The following ITGB5 variants were observed in gnomAD, a reference collection of about 807,000 sequenced individuals.
ITGB5 encodes integrin subunit beta 5.
A neutral mutation model predicts 84.8 loss-of-function variants in ITGB5; 38 were observed. The ratio of observed to expected loss-of-function variants is 0.45; its 90% confidence interval spans 0.35 to 0.59. ITGB5 has a LOEUF of 0.59. ITGB5 is among the 20% of genes least tolerant of loss of function. The pLI, the probability that ITGB5 is intolerant of heterozygous loss-of-function variation, is 0.01. For synonymous variants in ITGB5, 393 were observed against 414.4 expected (o/e 0.95, Z 0.63); for missense variants, 905 against 1,034.5 (o/e 0.87, Z 1.72).
chr3:124,788,684 C>T (rs1005491793), intron 10 of ITGB5, among the ~76,000 whole-genome samples: 10 of 152,228 alleles, frequency 6.6e-5, no homozygotes, highest in African/African-American at 2.4e-4. Context: ...TTCTGAAGCT[C>T]TGCCTGGGGG....
At chr3:124,775,579 AT>A (rs779379681) in intron 10 of ITGB5, among the ~76,000 whole-genome samples, 4 of 152,160 alleles carry the variant, frequency 2.6e-5, no homozygotes, top group East Asian at 1.9e-4. Flanking sequence ...ACTTTGTATT[AT>A]TTTTTTCCCT....
intron 1 of ITGB5, among the ~76,000 whole-genome samples, chr3:124,875,114 G>T (rs1344353768): frequency 6.6e-6 from 1 of 152,112 alleles, no homozygotes; most frequent in Non-Finnish European, 1.5e-5. Flanking sequence ...CATCTGATAA[G>T]TGGTTAACAT....
rs750219799 is a variant in ITGB5, at chr3:124,821,545, G to A, written c.781-71C>T. 6 of 1,529,632 alleles carry A rather than the reference G, an allele frequency of 3.9e-6. No homozygotes were observed. In the African/African-American group the frequency reaches 6.8e-5, roughly 17 times the overall value. The allele number at this position is 1,529,632 out of a possible 1,614,324, so 94.8% of individuals were successfully genotyped here. A position where few individuals can be genotyped will look rare whatever the true frequency, so the allele number is the denominator to read the frequency against. On this transcript the variant is annotated intron_variant, in intron 5 of 14. Transcript: ENST00000296181. ...CCTGCCCTGGTCATGCAGGGCACTG[G>A]CCCCTCTCCAGGAGTCACGGCCTGA...
chr3:124,774,963 G>A (rs967469377), intron 10 of ITGB5, among the ~76,000 whole-genome samples: 11 of 152,386 alleles, frequency 7.2e-5, no homozygotes, highest in Middle Eastern at 3.4e-3. Context: ...CACACAGCTA[G>A]TGGCAGCAGA....
chr3:124,849,680 G>A (rs1010044752), intron 3 of ITGB5, among the ~76,000 whole-genome samples: 1 of 152,116 alleles, frequency 6.6e-6, no homozygotes, highest in Non-Finnish European at 1.5e-5. Context: ...GAGAAAAGGG[G>A]AATTAATTCA....
intron 5 of ITGB5, among the ~76,000 whole-genome samples, chr3:124,838,702 C>T (rs1159480075): frequency 1.3e-5 from 2 of 151,978 alleles, no homozygotes; most frequent in Non-Finnish European, 2.9e-5. Flanking sequence ...CCGGGGTTCA[C>T]ACCATTCTCC....
At chr3:124,829,597 T>C (rs374570134) in intron 5 of ITGB5, among the ~76,000 whole-genome samples, 1 of 152,164 alleles carries the variant, frequency 6.6e-6, no homozygotes, top group African/African-American at 2.4e-5. Flanking sequence ...GGCCCTAGGA[T>C]GCCTTTCAGC....
chr3:124,856,665 G>C (rs938012266), intron 3 of ITGB5, among the ~76,000 whole-genome samples: 7 of 152,174 alleles, frequency 4.6e-5, no homozygotes, highest in African/African-American at 1.7e-4. Context: ...TATTTTTCTA[G>C]AATTTCATGT....
At chr3:124,893,453 C>A (rs1294489089) in intron 1 of ITGB5, among the ~76,000 whole-genome samples, 1 of 151,980 alleles carries the variant, frequency 6.6e-6, no homozygotes, top group Non-Finnish European at 1.5e-5. Context: ...TTGAAAAATA[C>A]CAAATTATAT....
intron 8 of ITGB5, among the ~76,000 whole-genome samples, chr3:124,811,870 C>T (rs2064508549): frequency 6.6e-6 from 1 of 152,160 alleles, no homozygotes; most frequent in Non-Finnish European, 1.5e-5. Flanking sequence ...CTGCACAGGA[C>T]CGGGTGCAGG....
intron 2 of ITGB5, among the ~76,000 whole-genome samples, chr3:124,867,012 ATTC>A (rs1300547117): frequency 6.6e-6 from 1 of 152,102 alleles, no homozygotes; most frequent in African/African-American, 2.4e-5. Flanking sequence ...TTGAATATTG[ATTC>A]TTTTCATTTC....
intron 7 of ITGB5, among the ~76,000 whole-genome samples, chr3:124,819,486 C>CA (rs1280236837): frequency 1.3e-5 from 2 of 151,970 alleles, no homozygotes; most frequent in Admixed American, 6.5e-5. Flanking sequence ...ATTCATCACC[C>CA]AAAAAAATGG....
At chr3:124,808,589 G>A (rs969235460) in intron 9 of ITGB5, among the ~76,000 whole-genome samples, 2 of 149,514 alleles carry the variant, frequency 1.3e-5, no homozygotes, top group Non-Finnish European at 2.9e-5. Context: ...AAACAGAATG[G>A]GGGGAGTGGC....
At chr3:124,771,277 A>AC (rs1387228267) in intron 11 of ITGB5, among the ~76,000 whole-genome samples, 1 of 151,822 alleles carries the variant, frequency 6.6e-6, no homozygotes, top group African/African-American at 2.4e-5. Flanking sequence ...CTGCCCTGAA[A>AC]CCCCCAGAAA....
chr3:124,882,516 G>A (rs1168617881), intron 1 of ITGB5, among the ~76,000 whole-genome samples: 1 of 152,196 alleles, frequency 6.6e-6, no homozygotes, highest in Non-Finnish European at 1.5e-5. Context: ...ATGGGAGCAT[G>A]GCTGGCACGC....
chr3:124,892,767 CAAAAAA>C, intron 1 of ITGB5, among the ~76,000 whole-genome samples: 1 of 142,850 alleles, frequency 7.0e-6, no homozygotes, highest in African/African-American at 2.6e-5. Context: ...AATAAATAAA[CAAAAAA>C]ACTTAAAAAT....
intron 4 of ITGB5, among the ~76,000 whole-genome samples, chr3:124,846,329 G>C (rs948930031): frequency 1.3e-5 from 2 of 151,280 alleles, no homozygotes; most frequent in African/African-American, 4.9e-5. Flanking sequence ...CAAGAATTGA[G>C]AATGGCATCA....
At chr3:124,780,125 G>C (rs967807622) in intron 10 of ITGB5, among the ~76,000 whole-genome samples, 1 of 122,716 alleles carries the variant, frequency 8.1e-6, no homozygotes, top group African/African-American at 4.3e-5. Context: ...GGGACCCTCA[G>C]GGAGGCCTCT....
chr3:124,769,187 C>A, intron 11 of ITGB5, 74 bp from the exon 12 acceptor site: 1 of 1,168,816 alleles, frequency 8.6e-7, no homozygotes, highest in Non-Finnish European at 1.3e-6. Context: ...GAGCTCCTGA[C>A]AGTGCAGGAC....
Sources: allele counts gnomAD v4.1 joint callset (sites outside exome capture counted in the v4.1 genomes callset), GRCh38; gene constraint gnomAD v4.1.1; transcripts MANE v1.5; gene names NCBI Gene and HGNC (gene_info 2026-07-23, HGNC 2026-07-21).